BRD8: variants seen among roughly 807,000 people sequenced by gnomAD.
BRD8 encodes the protein bromodomain containing 8, also known as bromodomain-containing protein 8.
A neutral mutation model predicts 143.1 loss-of-function variants in BRD8; 67 were observed. The ratio of observed to expected loss-of-function variants is 0.47; its 90% CI spans 0.38 to 0.57. The LOEUF (loss-of-function observed/expected upper bound fraction) is 0.57, where lower values mean the gene tolerates loss of function less well. BRD8 is among the 20% of genes least tolerant of loss of function. The pLI is 0.00. For missense variants in BRD8, 1,103 were observed against 1,503.0 expected, an observed-to-expected ratio of 0.73 and a Z score of 4.40; for synonymous variants, 505 against 517.1, an observed-to-expected ratio of 0.98 and a Z score of 0.32.
chr5:138,159,677 A>T (rs1238610429), intron 19 of BRD8, 78 bp from the exon 20 acceptor site: 1 of 1,412,150 alleles, frequency 7.1e-7, no homozygotes, highest in African/African-American at 1.4e-5. Flanking sequence ...CAGGACAGAG[A>T]CACAAGCACC....
Position 138,165,159 on chromosome 5 carries a change from T to A in BRD8, c.1286A>T (p.Asp429Val). 1 of 1,613,568 alleles carries A rather than the reference T, an allele frequency of 6.2e-7. No individual in the cohort carries two copies. Among genetic ancestry groups the A allele is most frequent in the Non-Finnish European group, 8.5e-7 (1 of 1,179,858 alleles). Residue 429 changes from aspartate (D) to valine (V), a missense_variant, in exon 12 of 27, where the codon GAT (aspartate) becomes GTT (valine). By Grantham distance (152) the Asp-to-Val change is radical (BLOSUM62 -3). Around this residue, in one of 7 missense-constraint regions of BRD8, gnomAD observed 53 missense variants for 101.4 expected, o/e 0.52. Transcript: ENST00000254900. ...IIAIIEDKVD[D>V]HPEVLDVAAV... Reference sequence around the variant, plus strand: ...TGCCACATCCAGCACTTCAGGATGATCATCTACCTGTCCCACAAAACACAA... The same window carrying A: ...TGCCACATCCAGCACTTCAGGATGAACATCTACCTGTCCCACAAAACACAA...
At chr5:138,161,450 G>A (rs1406463513) in intron 17 of BRD8, among the ~76,000 whole-genome samples, 1 of 152,054 alleles carries the variant, frequency 6.6e-6, no homozygotes, top group Non-Finnish European at 1.5e-5. Flanking sequence ...CAGGTAGTTG[G>A]GACTACAAAT....
At chr5:138,140,645 T>C (rs1751865469) in intron 26 of BRD8, 60 bp downstream of exon 26, 8 of 1,541,976 alleles carry the variant, frequency 5.2e-6, no homozygotes, top group Non-Finnish European at 7.2e-6. Flanking sequence ...AAATCACCTT[T>C]ATTCTCATAG....
At chr5:138,156,887 T>C (rs1378656438) in intron 20 of BRD8, 2 of 1,044,892 alleles carry the variant, frequency 1.9e-6, no homozygotes, top group African/African-American at 1.7e-5. Flanking sequence ...CAAAGGCTAG[T>C]TTTTTTTTTC....
intron 11 of BRD8, 129 bp downstream of exon 11, chr5:138,165,699 C>T (rs1393200217): frequency 7.4e-6 from 8 of 1,082,410 alleles, no homozygotes; most frequent in South Asian, 1.7e-5. Flanking sequence ...GCACTTCAGC[C>T]TGGATGAAAG....
intron 23 of BRD8, among the ~76,000 whole-genome samples, chr5:138,147,138 A>T (rs1276933435): frequency 1.3e-5 from 2 of 151,908 alleles, no homozygotes; most frequent in Admixed American, 1.3e-4. Context: ...TTTGTGTACC[A>T]AAAATTGAAA....
intron 26 of BRD8, 174 bp downstream of exon 26, chr5:138,140,531 T>A: frequency 1.4e-6 from 1 of 716,272 alleles, no homozygotes. Context: ...CTATCAGAGC[T>A]GGACTTACTG....
chr5:138,171,015 T>C (rs1474353072), intron 5 of BRD8, 23 bp downstream of exon 5: 3 of 1,611,826 alleles, frequency 1.9e-6, no homozygotes, highest in South Asian at 2.2e-5. Context: ...TCTCAATTTT[T>C]TGGCATTCTC....
intron 9 of BRD8, 47 bp downstream of exon 9, chr5:138,167,887 T>C (rs1005407998): frequency 1.2e-5 from 19 of 1,565,576 alleles, no homozygotes; most frequent in Non-Finnish European, 1.5e-5. Context: ...TCAGTCAATG[T>C]CAAGTTCAAC....
At position 138,159,587 on chromosome 5, in the gene BRD8, T is replaced by A. The variant is rs779614650; in HGVS notation, c.2545A>T (p.Met849Leu). ...QDASEKDSVP[M>L]GSPAFLLSLF... ...GAGAGAAGGAAGGCAGGAGAGCCCA[T>A]TGGGACACTGTCCTGTTAGAGGACA... is the stretch of plus-strand genomic sequence containing the variant. The change falls in exon 20 of 27, where the codon ATG (methionine) becomes TTG (leucine). Residue 849 changes from methionine to leucine, a missense_variant. Transcript: ENST00000254900. The A allele has an allele frequency of 1.9e-6, 3 of 1,614,078 alleles. No homozygotes were observed. The highest frequency in any genetic ancestry group is 1.1e-5 in the South Asian group (1 of 91,080).
At chr5:138,173,558 CACAT>C (rs1241988227) in intron 2 of BRD8, among the ~76,000 whole-genome samples, 1 of 152,232 alleles carries the variant, frequency 6.6e-6, no homozygotes, top group East Asian at 1.9e-4. Flanking sequence ...CACACACACA[CACAT>C]ACAAAACACA....
At position 138,161,893 on chromosome 5, in the gene BRD8, T is replaced by C. The variant is rs1473165799; in HGVS notation, c.2181-29A>G. The C allele has an allele frequency of 6.8e-6, 11 of 1,612,084 alleles. 1 individual carries two copies. Among genetic ancestry groups the C allele is most frequent in the East Asian group, 6.7e-5 (3 of 44,856 alleles). The stretch of plus-strand genomic sequence containing the variant: ...TCCAAAAGGAATAAGGTGCAATTAC[T>C]GACATTCTCCAGAAGTGCAGGGAGG... On this transcript the variant is annotated intron_variant, in intron 16 of 26. Coordinates refer to ENST00000254900, the MANE Select transcript of BRD8 (RefSeq NM_139199.2).
At position 138,140,838 on chromosome 5, in the gene BRD8, C is replaced by T. The variant is rs756547072; in HGVS notation, c.3482G>A (p.Arg1161Gln). The stretch of plus-strand genomic sequence containing the variant: ...CAGGAATTGGGCCATGGTGCGAATC[C>T]GACCCTTAGAGAGATTTCTCTTCAG... ...TSLKRNLSKGRIRTMAQFLRD... is the reference protein window; with the variant it reads ...TSLKRNLSKGQIRTMAQFLRD... The change falls in exon 26 of 27, where the codon CGG (arginine) becomes CAG (glutamine). Residue 1161 changes from arginine (R) to glutamine (Q), a missense_variant. Physicochemically the swap from Arg to Gln is conservative, Grantham distance 43. This residue lies in a region of BRD8 where 369 missense variants were observed against 445.5 expected (regional missense o/e 0.83). Coordinates refer to ENST00000254900, the MANE Select transcript of BRD8 (RefSeq NM_139199.2). The T allele has an allele frequency of 3.9e-5, 63 of 1,614,036 alleles. No individual in the cohort carries two copies. The highest frequency in any genetic ancestry group is 5.0e-5 in the Non-Finnish European group (59 of 1,180,048).
intron 20 of BRD8, among the ~76,000 whole-genome samples, chr5:138,153,164 A>G (rs1427614267): frequency 1.3e-5 from 2 of 152,210 alleles, no homozygotes; most frequent in Non-Finnish European, 2.9e-5. Context: ...GGGGCAGGGG[A>G]TATTTTCCTC....
In BRD8 at chr5:138,164,207, G is replaced by A; in HGVS notation, c.1826-74C>T. ...CCCTTCCTATGGACCATAATCCCCT[G>A]CAGCTCTCCTTTACATGCTGACCTG... On this transcript the variant is annotated intron_variant, in intron 13 of 26. Transcript: ENST00000254900. 2.5e-6 allele frequency: 4 copies of A among 1,582,052 alleles called. No individual in the cohort carries two copies. The Middle Eastern group carries it at 6.7e-4, about 264-fold the overall frequency.
intron 13 of BRD8, 50 bp downstream of exon 13, chr5:138,164,270 C>A (rs1350968745): frequency 1.2e-6 from 2 of 1,601,902 alleles, no homozygotes. Flanking sequence ...CACAACCCCT[C>A]AGAAGCCAAA....
At chr5:138,155,540 G>T (rs190360390) in intron 20 of BRD8, among the ~76,000 whole-genome samples, 2 of 151,594 alleles carry the variant, frequency 1.3e-5, no homozygotes, top group African/African-American at 2.4e-5. Flanking sequence ...ATTGAACTGA[G>T]ATTTTAAATT....
intron 1 of BRD8, 80 bp downstream of exon 1, chr5:138,178,516 C>T: frequency 1.5e-6 from 2 of 1,318,550 alleles, no homozygotes; most frequent in Non-Finnish European, 2.2e-6. Context: ...TTCTCCCACT[C>T]CCTAAGCGTG....
intron 20 of BRD8, among the ~76,000 whole-genome samples, chr5:138,154,769 T>C (rs955198444): frequency 3.3e-5 from 5 of 152,058 alleles, no homozygotes; most frequent in African/African-American, 1.2e-4. Flanking sequence ...TATTTAGTTA[T>C]AAAGTGATAT....
Sources: allele counts gnomAD v4.1 joint callset (sites outside exome capture counted in the v4.1 genomes callset), GRCh38; gene constraint gnomAD v4.1.1; regional missense constraint gnomAD v4.1.1; transcripts MANE v1.5; gene names NCBI Gene and HGNC (gene_info 2026-07-23, HGNC 2026-07-21).